The following MAGI2 variants were observed in gnomAD, a reference collection of about 807,000 sequenced individuals.
MAGI2 encodes the protein membrane associated guanylate kinase, WW and PDZ domain containing 2, also known as membrane-associated guanylate kinase, WW and PDZ domain-containing protein 2.
MAGI2 carries 35 observed loss-of-function variants against 133.3 expected under a neutral mutation model. The observed-to-expected ratio is 0.26, with a 90% confidence interval of 0.20 to 0.35. The LOEUF is 0.35. Ranked by LOEUF, MAGI2 falls within the 10% of genes least tolerant of loss-of-function variation. The probability of loss-of-function intolerance (pLI) is 1.00; values close to 1 mark genes in which losing one functional copy is unlikely to be tolerated. For synonymous variants in MAGI2, 729 were observed against 710.6 expected (o/e 1.03, Z -0.41); for missense variants, 1,636 against 1,863.4 (o/e 0.88, Z 2.25).
intron 9 of MAGI2, among the ~76,000 whole-genome samples, chr7:78,286,592 G>A (rs1185617885): frequency 5.9e-5 from 9 of 152,068 alleles, no homozygotes; most frequent in Non-Finnish European, 7.4e-5. Flanking sequence ...TTTACTTGCA[G>A]GATTATGATA....
chr7:78,404,457 G>T (rs1797190160), intron 6 of MAGI2, among the ~76,000 whole-genome samples: 2 of 152,072 alleles, frequency 1.3e-5, no homozygotes, highest in Admixed American at 6.6e-5. Context: ...CGTGGTACTG[G>T]TACCAAAACA....
chr7:79,326,639 T>C (rs1839715171), intron 1 of MAGI2, among the ~76,000 whole-genome samples: 1 of 146,992 alleles, frequency 6.8e-6, no homozygotes, highest in Non-Finnish European at 1.5e-5. Flanking sequence ...CAGAGCAAAT[T>C]GAGTTCAGTG....
intron 1 of MAGI2, chr7:79,413,199 C>T (rs886755549): frequency 7.9e-5 from 12 of 152,108 alleles, no homozygotes; most frequent in Non-Finnish European, 1.3e-4. Flanking sequence ...ATTTTACAGA[C>T]AGCTTAGATG....
At chr7:78,461,405 T>C (rs1208786578) in intron 6 of MAGI2, among the ~76,000 whole-genome samples, 2 of 150,998 alleles carry the variant, frequency 1.3e-5, no homozygotes, top group Non-Finnish European at 3.0e-5. Context: ...TGTGTGTGTG[T>C]GTGTGTGTGT....
At chr7:78,642,704 T>C (rs1025237301) in intron 2 of MAGI2, among the ~76,000 whole-genome samples, 11 of 152,220 alleles carry the variant, frequency 7.2e-5, no homozygotes, top group African/African-American at 2.7e-4. Context: ...TCTGACCTTA[T>C]GGGAAGCATT....
chr7:78,461,669 T>C (rs1790033518), intron 6 of MAGI2, among the ~76,000 whole-genome samples: 1 of 151,846 alleles, frequency 6.6e-6, no homozygotes, highest in South Asian at 2.1e-4. Flanking sequence ...CCCAGCACTT[T>C]GGGAGGCTGA....
chr7:78,456,296 G>C (rs1339669895), intron 6 of MAGI2, among the ~76,000 whole-genome samples: 1 of 152,054 alleles, frequency 6.6e-6, no homozygotes, highest in Non-Finnish European at 1.5e-5. Flanking sequence ...TTATAAGTTT[G>C]TGCCATATTA....
chr7:79,378,175 A>C (rs1843509161), intron 1 of MAGI2, among the ~76,000 whole-genome samples: 1 of 151,880 alleles, frequency 6.6e-6, no homozygotes. Flanking sequence ...CTATTATAAA[A>C]GCTAATGTAG....
chr7:79,081,285 G>T (rs1258108660), intron 1 of MAGI2, among the ~76,000 whole-genome samples: 3 of 152,232 alleles, frequency 2.0e-5, no homozygotes, highest in South Asian at 2.1e-4. Context: ...AGAACCCATG[G>T]CACGCAAGAA....
At chr7:79,130,208 C>T (rs1181692905) in intron 1 of MAGI2, among the ~76,000 whole-genome samples, 3 of 151,556 alleles carry the variant, frequency 2.0e-5, no homozygotes, top group Non-Finnish European at 4.4e-5. Flanking sequence ...GTGATCCTAG[C>T]TACTCTGGAG....
chr7:79,344,700 G>A (rs1269080074), intron 1 of MAGI2, among the ~76,000 whole-genome samples: 1 of 152,152 alleles, frequency 6.6e-6, no homozygotes, highest in Non-Finnish European at 1.5e-5. Flanking sequence ...GTGGATGGAA[G>A]ACTAAATGGC....
chr7:78,988,802 T>C (rs1020207191), intron 2 of MAGI2, among the ~76,000 whole-genome samples: 53 of 152,064 alleles, frequency 3.5e-4, no homozygotes, highest in African/African-American at 1.2e-3. Flanking sequence ...GATGACTATT[T>C]TTGAGTCTGC....
intron 21 of MAGI2, among the ~76,000 whole-genome samples, chr7:78,034,609 C>G (rs1003953115): frequency 1.3e-5 from 2 of 151,980 alleles, no homozygotes; most frequent in Non-Finnish European, 2.9e-5. Flanking sequence ...CTCACTGCAA[C>G]CTCTGCCTCC....
At chr7:78,114,116 C>G (rs1207019392) in intron 20 of MAGI2, among the ~76,000 whole-genome samples, 1 of 152,170 alleles carries the variant, frequency 6.6e-6, no homozygotes, top group Non-Finnish European at 1.5e-5. Context: ...CTGTCAGGCT[C>G]CTGCTCTTTT....
intron 1 of MAGI2, among the ~76,000 whole-genome samples, chr7:79,130,068 A>C (rs1396213006): frequency 6.6e-6 from 1 of 151,902 alleles, no homozygotes; most frequent in Non-Finnish European, 1.5e-5. Flanking sequence ...CGGGAGGCCA[A>C]GATGCGAGGA....
At chr7:78,902,184 C>T (rs1797663136) in intron 2 of MAGI2, among the ~76,000 whole-genome samples, 1 of 152,078 alleles carries the variant, frequency 6.6e-6, no homozygotes, top group Admixed American at 6.5e-5. Context: ...ATACTACTTG[C>T]TCCAAAATGA....
chr7:78,034,631 A>G (rs962458487), intron 21 of MAGI2, among the ~76,000 whole-genome samples: 10 of 152,054 alleles, frequency 6.6e-5, no homozygotes, highest in African/African-American at 1.9e-4. Flanking sequence ...GGGTTCAAGC[A>G]GTTCTCCTGC....
chr7:79,319,722 T>C (rs1839024035), intron 1 of MAGI2, among the ~76,000 whole-genome samples: 1 of 152,132 alleles, frequency 6.6e-6, no homozygotes, highest in Admixed American at 6.6e-5. Context: ...AATAAACTTC[T>C]ACCATCTTAA....
At chr7:78,865,516 T>A (rs1225792139) in intron 2 of MAGI2, among the ~76,000 whole-genome samples, 3 of 152,320 alleles carry the variant, frequency 2.0e-5, no homozygotes, top group Non-Finnish European at 2.9e-5. Flanking sequence ...TGGTTTCCAA[T>A]GTTTATAAAG....
Sources: gnomAD v4.1 joint callset for allele counts (sites outside exome capture counted in the v4.1 genomes callset) on GRCh38, gnomAD v4.1.1 for gene constraint, MANE v1.5 for transcripts, NCBI Gene and HGNC (gene_info 2026-07-23, HGNC 2026-07-21) for gene names.